The following KANSL1L variants were observed in gnomAD, a reference collection of about 807,000 sequenced individuals.
KANSL1L encodes KAT8 regulatory NSL complex subunit 1-like protein.
KANSL1L carries 25 observed loss-of-function variants against 108.6 expected under a neutral mutation model. That is an observed-to-expected ratio of 0.23 (90% CI 0.17 to 0.32). The LOEUF (loss-of-function observed/expected upper bound fraction) is 0.32. KANSL1L is among the 10% of genes least tolerant of loss of function. The pLI is 1.00. For synonymous variants in KANSL1L, 405 were observed against 395.1 expected (o/e 1.03, Z -0.30); for missense variants, 1,137 against 1,125.7 (o/e 1.01, Z -0.14).
intron 4 of KANSL1L, among the ~76,000 whole-genome samples, chr2:210,101,360 C>T (rs2094792171): frequency 6.6e-6 from 1 of 152,150 alleles, no homozygotes; most frequent in African/African-American, 2.4e-5. Context: ...CTGATGTCAT[C>T]TCAGGTCCAA....
In KANSL1L at chr2:210,044,480, A is replaced by G. The variant is rs1223281581; in HGVS notation, c.1756-376T>C. On this transcript the variant is annotated intron_variant, in intron 6 of 14. Coordinates refer to ENST00000281772, the MANE Select transcript of KANSL1L (RefSeq NM_152519.4). The surrounding 1 kb of genome is among the most constrained non-coding windows in gnomAD (Gnocchi z 4.2). ...CCAACCATGCTGGATGGGTTCACCA[A>G]TTCAATAATGAATAAAAATGATCAA... Among the ~76,000 whole-genome samples the G allele has an allele frequency of 6.6e-6, 1 of 151,964 alleles. No individual in the cohort carries two copies. The highest frequency in any genetic ancestry group is 1.5e-5 in the Non-Finnish European group (1 of 68,008).
intron 3 of KANSL1L, among the ~76,000 whole-genome samples, chr2:210,120,061 A>G (rs2094999651): frequency 6.6e-6 from 1 of 152,180 alleles, no homozygotes; most frequent in South Asian, 2.1e-4. Context: ...ACAAACCTGA[A>G]AGAAATAAGC....
intron 3 of KANSL1L, among the ~76,000 whole-genome samples, 164 bp from the exon 4 acceptor site, chr2:210,104,465 A>G (rs898134541): frequency 5.9e-5 from 9 of 152,202 alleles, no homozygotes. Context: ...TTTAAAACAC[A>G]TGTAGCTAAA....
At chr2:210,061,202 G>A (rs958034482) in intron 6 of KANSL1L, among the ~76,000 whole-genome samples, 3 of 152,122 alleles carry the variant, frequency 2.0e-5, no homozygotes, top group Admixed American at 6.5e-5. Context: ...TATAATTATT[G>A]TAACTATTAG....
intron 4 of KANSL1L, among the ~76,000 whole-genome samples, chr2:210,103,094 T>C (rs969960893): frequency 1.6e-4 from 24 of 152,058 alleles, no homozygotes; most frequent in African/African-American, 5.6e-4. Flanking sequence ...TAGACTGGAT[T>C]AAGAAAATGT....
At chr2:210,162,100 CAT>C (rs1237317430) in intron 1 of KANSL1L, among the ~76,000 whole-genome samples, 1 of 147,788 alleles carries the variant, frequency 6.8e-6, no homozygotes, top group Non-Finnish European at 1.5e-5. Context: ...CACACACACA[CAT>C]ATATTTTTAT....
chr2:210,023,437 C>T (rs1003392897), intron 14 of KANSL1L, among the ~76,000 whole-genome samples: 7 of 152,162 alleles, frequency 4.6e-5, no homozygotes, highest in Non-Finnish European at 1.0e-4. Flanking sequence ...TCTTCATTTC[C>T]GACCTAAGAG....
chr2:210,072,971 GAA>G (rs1410820470), intron 6 of KANSL1L, among the ~76,000 whole-genome samples: 2 of 152,164 alleles, frequency 1.3e-5, no homozygotes, highest in African/African-American at 4.8e-5. Context: ...CTAGCATATG[GAA>G]AAGTTTTCCT....
At position 210,171,317 on chromosome 2, in the gene KANSL1L, G is replaced by A. The variant is rs1043695522; in HGVS notation, c.-198C>T. ...CCCGGCCGCCGCCGCCGCCGCCGCC[G>A]CCGCCGCCGCCGCCGCCGCCGCCGC... On this transcript the variant is annotated 5_prime_UTR_variant, in exon 1 of 15. Coordinates refer to ENST00000281772, the MANE Select transcript of KANSL1L (RefSeq NM_152519.4). 5 of 152,640 alleles carry A rather than the reference G, an allele frequency of 3.3e-5. No individual in the cohort carries two copies. Among genetic ancestry groups the A allele is most frequent in the African/African-American group, 7.7e-5 (3 of 38,924 alleles). The allele number at this position is 152,640 out of a possible 1,614,324, so 9.5% of individuals were successfully genotyped here.
At position 210,022,907 on chromosome 2, in the gene KANSL1L, C is replaced by T. The variant is rs771385451; in HGVS notation, c.*42G>A. The T allele has an allele frequency of 2.2e-6, 3 of 1,375,676 alleles. No individual in the cohort carries two copies. In the African/African-American group the frequency reaches 4.3e-5, roughly 20 times the overall value. The allele number at this position is 1,375,676 out of a possible 1,614,324, so 85.2% of individuals were successfully genotyped here. A position where few individuals can be genotyped will look rare whatever the true frequency, so the allele number is the denominator to read the frequency against. On this transcript the variant is annotated 3_prime_UTR_variant, in exon 15 of 15. Transcript: ENST00000281772. ...TCCAGAACAGGGCTTTATTTCCTCC[C>T]ATCTTTCCTACATTTACATAGTTTT...
Position 210,025,126 on chromosome 2 carries a change from T to C in KANSL1L, c.2542A>G (p.Lys848Glu). Residue 848 changes from lysine to glutamate, a missense_variant, in exon 13 of 15, where the codon AAG becomes GAG. This residue lies in a region of KANSL1L where 575 missense variants were observed against 567.1 expected (regional missense o/e 1.01). Coordinates refer to ENST00000281772, the MANE Select transcript of KANSL1L (RefSeq NM_152519.4). ...TGCCTGCTGTTTCTTCTGTGCCACT[T>C]GCTTTGCTCCCATAGTGACCACCTG... ...QARWSLWEQS[K>E]WHRRNSRAYS... The C allele has an allele frequency of 6.2e-7, 1 of 1,611,948 alleles. No homozygotes were observed.
At chr2:210,028,763 A>G in intron 11 of KANSL1L, 82 bp downstream of exon 11, 1 of 1,042,824 alleles carries the variant, frequency 9.6e-7, no homozygotes, top group Non-Finnish European at 1.4e-6. Context: ...TGCTCCTTTC[A>G]TTAATTAAAA....
chr2:210,154,662 C>A, intron 1 of KANSL1L, 51 bp from the exon 2 acceptor site: 2 of 1,203,156 alleles, frequency 1.7e-6, no homozygotes, highest in Non-Finnish European at 2.2e-6. Flanking sequence ...AAATTTTATG[C>A]TTATACTTTT....
chr2:210,031,409 A>C lies in KANSL1L; in HGVS notation c.2155+12T>G, dbSNP rs756988095. ...ATTTATCACTACTGCTTATATCCTC[A>C]CTTTAACCTACCTAATGCTGTTTCA... On this transcript the variant is annotated intron_variant, in intron 9 of 14. Transcript: ENST00000281772. The C allele has an allele frequency of 1.9e-6, 3 of 1,571,320 alleles. No individual in the cohort carries two copies. The African/African-American group carries it at 4.1e-5, about 21-fold the overall frequency.
At chr2:210,060,053 A>G (rs1038050961) in intron 6 of KANSL1L, among the ~76,000 whole-genome samples, 1 of 152,168 alleles carries the variant, frequency 6.6e-6, no homozygotes, top group Non-Finnish European at 1.5e-5. Context: ...TCCAGTAAGA[A>G]TTTAAATTTC....
intron 5 of KANSL1L, among the ~76,000 whole-genome samples, chr2:210,090,356 T>C (rs1262736935): frequency 6.6e-6 from 1 of 152,178 alleles, no homozygotes; most frequent in Non-Finnish European, 1.5e-5. Flanking sequence ...ACATTTACCC[T>C]TTAAGATAAT....
In KANSL1L at chr2:210,023,067, C is replaced by G; in HGVS notation, c.2846G>C (p.Gly949Ala). Reference protein sequence around the residue: ...QVERSSTAFHGEIFGTSVPEN... With the variant: ...QVERSSTAFHAEIFGTSVPEN... Reference sequence around the variant, plus strand: ...TGGTACACTGGTACCGAAGATTTCACCATGGAAAGCTGTGCTTGACCTTTC... The same window carrying G: ...TGGTACACTGGTACCGAAGATTTCAGCATGGAAAGCTGTGCTTGACCTTTC... Residue 949 changes from glycine to alanine, a missense_variant, in exon 15 of 15, where the codon GGT (glycine) becomes GCT (alanine). Physicochemically the swap from Gly to Ala is moderately conservative, Grantham distance 60. This residue lies in a region of KANSL1L where 575 missense variants were observed against 567.1 expected (regional missense o/e 1.01). Coordinates refer to ENST00000281772, the MANE Select transcript of KANSL1L (RefSeq NM_152519.4). The G allele has an allele frequency of 6.2e-7, 1 of 1,613,962 alleles. No homozygotes were observed. Among genetic ancestry groups the G allele is most frequent in the Non-Finnish European group, 8.5e-7 (1 of 1,179,916 alleles).
At chr2:210,129,490 CAAT>C (rs1187840361) in intron 2 of KANSL1L, among the ~76,000 whole-genome samples, 1 of 152,028 alleles carries the variant, frequency 6.6e-6, no homozygotes, top group Non-Finnish European at 1.5e-5. Context: ...ACATGAATGA[CAAT>C]GCAAACACCA....
chr2:210,128,944 T>C, intron 3 of KANSL1L, 87 bp downstream of exon 3: 1 of 1,112,106 alleles, frequency 9.0e-7, no homozygotes. Flanking sequence ...TATAAAACCT[T>C]GTAACAATTA....
Sources: gnomAD v4.1 joint callset for allele counts (sites outside exome capture counted in the v4.1 genomes callset) on GRCh38, gnomAD v4.1.1 for gene constraint, gnomAD v4.1.1 regional missense constraint, Gnocchi (gnomAD v3.1) non-coding constraint, MANE v1.5 for transcripts, NCBI Gene and HGNC (gene_info 2026-07-23, HGNC 2026-07-21) for gene names.